Variants in ZNF208 observed in about 807,000 individuals in gnomAD.
ZNF208 encodes zinc finger protein 95.
ZNF208 carries 10 observed loss-of-function variants against 12.1 expected under a neutral mutation model. That is an observed-to-expected ratio of 0.83 (90% CI 0.51 to 1.40). The LOEUF is 1.40. ZNF208 is among the 40% of genes most tolerant of loss of function. The pLI is 0.00. For missense variants in ZNF208, 1,652 were observed against 1,485.0 expected (o/e 1.11, Z -1.85); for synonymous variants, 497 against 488.4 (o/e 1.02, Z -0.23).
intron 1 of ZNF208, among the ~76,000 whole-genome samples, chr19:21,992,162 G>T (rs1169131984): frequency 6.6e-6 from 1 of 152,114 alleles, no homozygotes; most frequent in East Asian, 1.9e-4. Context: ...AAAGATACTT[G>T]ATGATGAAGA....
At chr19:21,959,090 A>C (rs1056784891) in intron 4 of ZNF208, among the ~76,000 whole-genome samples, 1 of 152,202 alleles carries the variant, frequency 6.6e-6, no homozygotes, top group Non-Finnish European at 1.5e-5. Flanking sequence ...GATTAAAAAA[A>C]AAAAGGAACT....
chr19:21,975,980 C>T (rs1035659607), intron 3 of ZNF208, among the ~76,000 whole-genome samples: 15 of 147,648 alleles, frequency 1.0e-4, no homozygotes, highest in Non-Finnish European at 1.6e-4. Flanking sequence ...AGAAAGATGC[C>T]GAAAGCAGTT....
chr19:22,000,827 T>C (rs1319017310), intron 1 of ZNF208, among the ~76,000 whole-genome samples: 5 of 151,728 alleles, frequency 3.3e-5, no homozygotes, highest in Non-Finnish European at 7.4e-5. Flanking sequence ...ATGAAGAAGA[T>C]ACAAATAAAC....
At chr19:21,981,514 C>A (rs1970538159) in intron 3 of ZNF208, among the ~76,000 whole-genome samples, 1 of 152,150 alleles carries the variant, frequency 6.6e-6, no homozygotes, top group South Asian at 2.1e-4. Flanking sequence ...GAACAGCCTT[C>A]ATGCTAAAAA....
chr19:22,009,724 G>A (rs1374847230), intron 1 of ZNF208: 2 of 148,304 alleles, frequency 1.3e-5, no homozygotes, highest in Non-Finnish European at 3.0e-5. Context: ...TCCAGCCTGG[G>A]CGACAGAGTG....
At chr19:21,949,321 G>T (rs1220876727) in intron 4 of ZNF208, among the ~76,000 whole-genome samples, 1 of 152,138 alleles carries the variant, frequency 6.6e-6, no homozygotes, top group African/African-American at 2.4e-5. Flanking sequence ...AGCTGAAAGG[G>T]AATATAGGGC....
At chr19:21,953,241 T>C (rs57912102) in intron 4 of ZNF208, among the ~76,000 whole-genome samples, 24,540 of 152,180 alleles carry the variant, frequency 0.16, 2,157 homozygotes, top group Middle Eastern at 0.2. Context: ...AAGATGCTCT[T>C]CAGGATATTA....
At chr19:21,945,244 C>A (rs1208658319) in intron 4 of ZNF208, among the ~76,000 whole-genome samples, 1 of 152,202 alleles carries the variant, frequency 6.6e-6, no homozygotes, top group South Asian at 2.1e-4. Flanking sequence ...CTTTCTCATT[C>A]CATAAGCAAC....
At chr19:21,956,511 G>C (rs538103520) in intron 4 of ZNF208, among the ~76,000 whole-genome samples, 29 of 152,316 alleles carry the variant, frequency 1.9e-4, no homozygotes, top group African/African-American at 6.3e-4. Context: ...CAGTCATTTT[G>C]GTTACCTACT....
chr19:22,008,216 T>C (rs1367180752), intron 1 of ZNF208, among the ~76,000 whole-genome samples: 1 of 149,440 alleles, frequency 6.7e-6, no homozygotes, highest in Non-Finnish European at 1.5e-5. Context: ...GGCAGAAGAA[T>C]TGCTTGAACC....
rs543301426 is a variant in ZNF208, at chr19:21,973,265, A to C, written c.1769T>G (p.Phe590Cys). 8 of 1,612,542 alleles carry C rather than the reference A, an allele frequency of 5.0e-6. No homozygotes were observed. Among genetic ancestry groups the C allele is most frequent in the Non-Finnish European group, 6.8e-6 (8 of 1,179,676 alleles). Reference protein sequence around the residue: ...PYKCEECGKAFNQSAILIKHK... With the variant: ...PYKCEECGKACNQSAILIKHK... ...TTTAATAAGAATTGCAGATTGGTTA[A>C]AAGCTTTGCCACATTCTTCACATTT... The change falls in exon 4 of 4, where the codon TTT becomes TGT. Residue 590 changes from phenylalanine to cysteine, a missense_variant. By Grantham distance (205) the Phe-to-Cys change is radical. Coordinates refer to ENST00000397126, the MANE Select transcript of ZNF208 (RefSeq NM_007153.3).
At chr19:21,991,037 C>T (rs1970724510) in intron 1 of ZNF208, among the ~76,000 whole-genome samples, 1 of 152,190 alleles carries the variant, frequency 6.6e-6, no homozygotes. Flanking sequence ...GATATACAAT[C>T]ATGTCATCTG....
intron 4 of ZNF208, among the ~76,000 whole-genome samples, chr19:21,957,342 A>T (rs1568436261): frequency 6.6e-6 from 1 of 152,172 alleles, no homozygotes; most frequent in Non-Finnish European, 1.5e-5. Context: ...CCAGCTGAAA[A>T]ATCCATTTTC....
intron 1 of ZNF208, among the ~76,000 whole-genome samples, chr19:22,006,802 T>C (rs1971052696): frequency 6.6e-6 from 1 of 152,220 alleles, no homozygotes; most frequent in Admixed American, 6.5e-5. Context: ...TCAAAAACAG[T>C]GTTCATATAA....
chr19:21,984,775 A>G (rs1394446367), intron 3 of ZNF208, among the ~76,000 whole-genome samples: 1 of 152,200 alleles, frequency 6.6e-6, no homozygotes, highest in African/African-American at 2.4e-5. Context: ...AAGACAATAA[A>G]GTACCCAACA....
chr19:21,979,850 C>T (rs1226712495), intron 3 of ZNF208, among the ~76,000 whole-genome samples: 4 of 152,118 alleles, frequency 2.6e-5, no homozygotes, highest in Non-Finnish European at 5.9e-5. Context: ...TGCAAAGACA[C>T]ATATAGGCTC....
At chr19:21,952,534 G>T (rs895088965) in intron 4 of ZNF208, among the ~76,000 whole-genome samples, 1 of 152,228 alleles carries the variant, frequency 6.6e-6, no homozygotes, top group Non-Finnish European at 1.5e-5. Context: ...GGCACTCAGG[G>T]TATGGAGTGG....
chr19:21,956,277 G>A (rs1432531601), intron 4 of ZNF208, among the ~76,000 whole-genome samples: 5 of 151,984 alleles, frequency 3.3e-5, no homozygotes, highest in South Asian at 2.1e-4. Context: ...TAGACTACTC[G>A]GGGTTCAGAG....
intron 1 of ZNF208, among the ~76,000 whole-genome samples, chr19:21,994,201 G>A (rs1024155138): frequency 3.3e-5 from 5 of 152,034 alleles, no homozygotes; most frequent in African/African-American, 9.7e-5. Flanking sequence ...TGTGACTTGT[G>A]AATCAACTAC....
Sources: allele counts gnomAD v4.1 joint callset (sites outside exome capture counted in the v4.1 genomes callset), GRCh38; gene constraint gnomAD v4.1.1; transcripts MANE v1.5; gene names NCBI Gene and HGNC (gene_info 2026-07-23, HGNC 2026-07-21).